NCOR2: variants seen among roughly 807,000 people sequenced by gnomAD.
NCOR2 encodes CTG repeat protein 26.
NCOR2 carries 81 observed loss-of-function variants against 262.9 expected under a neutral mutation model. The observed-to-expected ratio is 0.31, with a 90% CI of 0.26 to 0.37. The LOEUF (loss-of-function observed/expected upper bound fraction) is 0.37. NCOR2 is among the 10% of genes least tolerant of loss of function. The pLI is 1.00. For missense variants in NCOR2, 3,385 were observed against 3,621.4 expected (o/e 0.93, Z 1.68); for synonymous variants, 1,659 against 1,559.3 (o/e 1.06, Z -1.51).
chr12:124,445,564 G>A (rs1040290196), intron 7 of NCOR2, among the ~76,000 whole-genome samples: 1 of 152,178 alleles, frequency 6.6e-6, no homozygotes, highest in Non-Finnish European at 1.5e-5. Flanking sequence ...GGGAGGGAAC[G>A]ACCTCCCACC....
intron 1 of NCOR2, among the ~76,000 whole-genome samples, chr12:124,506,352 G>A (rs1234704295): frequency 1.3e-5 from 2 of 152,218 alleles, no homozygotes; most frequent in Admixed American, 6.5e-5. Flanking sequence ...GGCGTTGGTC[G>A]GAGCCTCCGA....
At chr12:124,412,909 T>G (rs1415576842) in intron 13 of NCOR2, among the ~76,000 whole-genome samples, 1 of 151,842 alleles carries the variant, frequency 6.6e-6, no homozygotes, top group African/African-American at 2.4e-5. Flanking sequence ...AAAGCAGACC[T>G]TGGCCTCAGA....
chr12:124,522,949 A>G (rs910430798), intron 1 of NCOR2, among the ~76,000 whole-genome samples: 14 of 151,944 alleles, frequency 9.2e-5, no homozygotes, highest in Admixed American at 5.2e-4. Context: ...TGAGCCAGCC[A>G]CTCGTGGGCA....
At chr12:124,350,815 C>CTT in intron 27 of NCOR2, 78 bp from the exon 30 acceptor site, 1 of 1,488,352 alleles carries the variant, frequency 6.7e-7, no homozygotes, top group Non-Finnish European at 9.0e-7. Flanking sequence ...CAAAGACGTG[C>CTT]TTAAAAGCCC....
intron 1 of NCOR2, among the ~76,000 whole-genome samples, chr12:124,494,880 A>G (rs2048300179): frequency 6.6e-6 from 1 of 152,202 alleles, no homozygotes; most frequent in Non-Finnish European, 1.5e-5. Context: ...TGCCAATCCC[A>G]CTACCAGTCC....
chr12:124,515,579 A>G (rs1463969412), intron 1 of NCOR2, among the ~76,000 whole-genome samples: 1 of 152,004 alleles, frequency 6.6e-6, no homozygotes, highest in Non-Finnish European at 1.5e-5. Context: ...GTGTGTGTGC[A>G]TGTGCGCATG....
At chr12:124,353,789 A>C (rs547290743) in intron 27 of NCOR2, among the ~76,000 whole-genome samples, 1 of 152,314 alleles carries the variant, frequency 6.6e-6, no homozygotes, top group South Asian at 2.1e-4. Flanking sequence ...GTGGCCAGGC[A>C]TTCTCAGCCG....
chr12:124,426,556 C>T (rs1481982993), intron 11 of NCOR2, 66 bp downstream of exon 13: 4 of 1,418,010 alleles, frequency 2.8e-6, no homozygotes, highest in African/African-American at 1.4e-5. Context: ...TGCCGGGAGA[C>T]AGCGCAGGCC....
chr12:124,487,670 G>C (rs2047845746), intron 1 of NCOR2, among the ~76,000 whole-genome samples: 1 of 152,270 alleles, frequency 6.6e-6, no homozygotes, highest in African/African-American at 2.4e-5. Context: ...ATTTGGCGCT[G>C]AGCCTGGTCT....
rs1593511565 is a variant in NCOR2, at chr12:124,432,369, A to G, written c.883-1582T>C. ...CCTTCCTGGTGAACCGGCCACCCAG[A>G]CCTGGCCTCCTCTGCAGAGGCCTGG... is the stretch of plus-strand genomic sequence containing the variant. On this transcript the variant is annotated intron_variant, in intron 8 of 46. Transcript: ENST00000405201. The surrounding 1 kb of genome is among the most constrained non-coding windows in gnomAD (Gnocchi z 5.1). Among the ~76,000 whole-genome samples the G allele has an allele frequency of 6.6e-6, 1 of 152,190 alleles. No individual in the cohort carries two copies.
At position 124,358,372 on chromosome 12, in the gene NCOR2, ATG is replaced by A. The variant is rs751965186; in HGVS notation, c.3101-1592_3101-1591del. ...ACAATGTTGAAGGAGGTAACCTGTGATGTGTGTGCACGTGCACGTGCATGTGT... is the reference window on the plus strand; with the variant it reads ...ACAATGTTGAAGGAGGTAACCTGTGATGTGTGCACGTGCACGTGCATGTGT... On this transcript the variant is annotated intron_variant, in intron 22 of 46. Transcript: ENST00000405201. Among the ~76,000 whole-genome samples the A allele has an allele frequency of 1.2e-4, 17 of 144,976 alleles. No homozygotes were observed. The East Asian group carries it at 1.9e-3, about 16-fold the overall frequency.
chr12:124,383,052 G>A (rs146264986), intron 17 of NCOR2, among the ~76,000 whole-genome samples: 1 of 152,140 alleles, frequency 6.6e-6, no homozygotes, highest in Non-Finnish European at 1.5e-5. Flanking sequence ...ATGAATGAAT[G>A]AATCAATCAA....
At position 124,433,195 on chromosome 12, in the gene NCOR2, AC is replaced by A. The variant is rs2044076757; in HGVS notation, c.883-2409del. ...CCCATGCATGCAGGCTGTGCCAGGA[AC>A]GCGCTGGAGATCAAGAGGCAGTTCT... On this transcript the variant is annotated intron_variant, in intron 8 of 46. Transcript: ENST00000405201. Among the ~76,000 whole-genome samples the A allele has an allele frequency of 2.0e-5, 3 of 152,174 alleles. No homozygotes were observed. In the South Asian group the frequency reaches 6.2e-4, roughly 32 times the overall value.
chr12:124,367,090 A>C (rs1257667747), intron 20 of NCOR2, among the ~76,000 whole-genome samples: 1 of 152,254 alleles, frequency 6.6e-6, no homozygotes, highest in Non-Finnish European at 1.5e-5. Flanking sequence ...CACACAAAAC[A>C]TGAGGTGCCA....
intron 22 of NCOR2, among the ~76,000 whole-genome samples, chr12:124,360,239 C>G (rs938950248): frequency 1.3e-5 from 2 of 152,238 alleles, no homozygotes; most frequent in African/African-American, 4.8e-5. Context: ...ACACCCTGGG[C>G]CGCACACTGT....
chr12:124,387,517 C>T (rs1043677576), intron 16 of NCOR2, among the ~76,000 whole-genome samples: 3 of 152,220 alleles, frequency 2.0e-5, no homozygotes, highest in African/African-American at 7.2e-5. Context: ...GGCGTGGGGC[C>T]CCAGACTTCC....
At chr12:124,361,045 C>T (rs1471449832) in intron 22 of NCOR2, among the ~76,000 whole-genome samples, 1 of 150,374 alleles carries the variant, frequency 6.7e-6, no homozygotes, top group Non-Finnish European at 1.5e-5. Context: ...CTCGGTGGAC[C>T]CCGGAGGCAG....
intron 1 of NCOR2, among the ~76,000 whole-genome samples, chr12:124,544,824 A>C (rs1260116268): frequency 6.6e-6 from 1 of 151,894 alleles, no homozygotes; most frequent in African/African-American, 2.4e-5. Context: ...TCCCTGAGCC[A>C]TCTCATCTTG....
chr12:124,510,329 G>A (rs536768931), intron 1 of NCOR2, among the ~76,000 whole-genome samples: 4 of 152,316 alleles, frequency 2.6e-5, no homozygotes, highest in East Asian at 3.9e-4. Context: ...GCAGGGCAGC[G>A]GGAAGATGAG....
Sources: gnomAD v4.1 joint callset for allele counts (sites outside exome capture counted in the v4.1 genomes callset) on GRCh38, gnomAD v4.1.1 for gene constraint, Gnocchi (gnomAD v3.1) non-coding constraint, MANE v1.5 for transcripts, NCBI Gene and HGNC (gene_info 2026-07-23, HGNC 2026-07-21) for gene names.